Variants in MORC3 observed in about 807,000 individuals in gnomAD.
The protein encoded by MORC3 is MORC family CW-type zinc finger 3, also known as MORC family CW-type zinc finger protein 3.
Under a neutral mutation model 109.1 loss-of-function variants are expected in MORC3, and 31 were observed. That is an observed-to-expected ratio of 0.28 (90% CI 0.21 to 0.38). The LOEUF is 0.38. Among genes scored for constraint, MORC3 ranks in the 10% least tolerant of loss-of-function variants. The probability of loss-of-function intolerance (pLI) is 1.00; values close to 1 mark genes in which losing one functional copy is unlikely to be tolerated. For missense variants in MORC3, 867 were observed against 1,135.8 expected, an observed-to-expected ratio of 0.76 and a Z score of 3.40; for synonymous variants, 395 against 380.7, an observed-to-expected ratio of 1.04 and a Z score of -0.44.
At chr21:36,344,317 T>C (rs1042263692) in intron 6 of MORC3, among the ~76,000 whole-genome samples, 1 of 152,302 alleles carries the variant, frequency 6.6e-6, no homozygotes, top group African/African-American at 2.4e-5. Context: ...TTTGTAATCT[T>C]TTTCACTTAG....
At chr21:36,372,984 G>GA (rs1371139227) in intron 16 of MORC3, among the ~76,000 whole-genome samples, 2 of 152,036 alleles carry the variant, frequency 1.3e-5, no homozygotes, top group Non-Finnish European at 2.9e-5. Flanking sequence ...AATCTTTTAG[G>GA]AAATTGCAAA....
chr21:36,371,809 TG>T (rs1474505883), intron 15 of MORC3, among the ~76,000 whole-genome samples: 33 of 146,186 alleles, frequency 2.3e-4, no homozygotes, highest in African/African-American at 8.7e-4. Context: ...TGTTTTGTTT[TG>T]TTTTGTTTTT....
In MORC3 at chr21:36,336,208, G is replaced by C. The variant is rs144115806; in HGVS notation, c.113-666G>C. 2.0e-4 allele frequency among the ~76,000 whole-genome samples: 30 copies of C among 150,964 alleles called. No individual in the cohort carries two copies. In the East Asian group the frequency reaches 2.9e-3, roughly 15 times the overall value. On this transcript the variant is annotated intron_variant, in intron 2 of 16. Transcript: ENST00000400485. ...AGCCTCCCAGAGTGCTGGGATTACA[G>C]GCGTAAGTCACCATGGTCAGCTTTT...
At chr21:36,371,895 C>A (rs1282889609) in intron 15 of MORC3, among the ~76,000 whole-genome samples, 4 of 151,334 alleles carry the variant, frequency 2.6e-5, no homozygotes, top group African/African-American at 7.3e-5. Context: ...CTCACCGCAA[C>A]CTCCACCTCC....
At chr21:36,324,961 G>A (rs1033453015) in intron 1 of MORC3, among the ~76,000 whole-genome samples, 128 of 151,836 alleles carry the variant, frequency 8.4e-4, no homozygotes, top group African/African-American at 2.7e-3. Context: ...CACCCGCCTC[G>A]GCCTCCCAAA....
intron 10 of MORC3, among the ~76,000 whole-genome samples, chr21:36,359,508 C>T (rs957809739): frequency 5.9e-5 from 9 of 151,512 alleles, no homozygotes; most frequent in Non-Finnish European, 8.8e-5. Flanking sequence ...CATGAGCTAC[C>T]GTGCCTTGCC....
chr21:36,359,958 G>A lies in MORC3; in HGVS notation c.1212G>A (p.Lys404=), dbSNP rs1351977070. 1 of 1,614,142 alleles carries A rather than the reference G, an allele frequency of 6.2e-7. No individual in the cohort carries two copies. Among genetic ancestry groups the A allele is most frequent in the Admixed American group, 1.7e-5 (1 of 60,014 alleles). ...PLNLPVEDIQ[K]RPDQTWVQCD... The stretch of plus-strand genomic sequence containing the variant: ...TTTTGTTCTTGTTTTGGGACAGGAA[G>A]CGTCCTGATCAGACATGGGTTCAGT... Residue 404 remains lysine (K), a synonymous_variant, in exon 11 of 17, where the codon AAG becomes AAA. Transcript: ENST00000400485.
At chr21:36,322,418 C>T (rs2085203785) in intron 1 of MORC3, among the ~76,000 whole-genome samples, 1 of 152,190 alleles carries the variant, frequency 6.6e-6, no homozygotes, top group African/African-American at 2.4e-5. Context: ...AGTCTCCAGG[C>T]TGGAGTGCAG....
intron 2 of MORC3, among the ~76,000 whole-genome samples, chr21:36,335,088 TC>T (rs1478075468): frequency 6.6e-6 from 1 of 152,050 alleles, no homozygotes; most frequent in African/African-American, 2.4e-5. Context: ...TGAGTCTTCC[TC>T]CAGCCTGGGC....
rs545173344 is a variant in MORC3 at position 36,352,213 on chromosome 21, A to T, written c.1103+2805A>T. On this transcript the variant is annotated intron_variant, in intron 9 of 16. Transcript: ENST00000400485. ...AGCACTTGCAATTATTTTTAAAAGGAACACCTACAAAAACTGTGAATCAAA... is the reference window on the plus strand; with the variant it reads ...AGCACTTGCAATTATTTTTAAAAGGTACACCTACAAAAACTGTGAATCAAA... 5.3e-4 allele frequency among the ~76,000 whole-genome samples: 81 copies of T among 152,308 alleles called. 1 individual carries two copies. The highest frequency in any genetic ancestry group is 2.4e-3 in the Admixed American group (37 of 15,290).
At chr21:36,340,880 A>G (rs949858263) in intron 5 of MORC3, among the ~76,000 whole-genome samples, 11 of 152,052 alleles carry the variant, frequency 7.2e-5, no homozygotes, top group South Asian at 2.1e-4. Context: ...CAGGTGATCC[A>G]CATGCCTCAG....
At chr21:36,364,612 C>T (rs532016454) in intron 14 of MORC3, among the ~76,000 whole-genome samples, 74 of 150,984 alleles carry the variant, frequency 4.9e-4, no homozygotes, top group Non-Finnish European at 9.4e-4. Context: ...TGAGGCTGCA[C>T]CCCAGCCTGG....
At chr21:36,342,191 C>T (rs988770875) in intron 6 of MORC3, among the ~76,000 whole-genome samples, 6 of 152,020 alleles carry the variant, frequency 3.9e-5, no homozygotes, top group Admixed American at 2.0e-4. Flanking sequence ...TTGCAGTGAG[C>T]GGAGATTGTA....
chr21:36,367,714 A>G (rs1205028797), intron 14 of MORC3, among the ~76,000 whole-genome samples: 1 of 152,210 alleles, frequency 6.6e-6, no homozygotes. Flanking sequence ...AGCCACTCAA[A>G]GACATAGGAT....
At chr21:36,346,601 G>A (rs1224393322) in intron 8 of MORC3, among the ~76,000 whole-genome samples, 5 of 151,938 alleles carry the variant, frequency 3.3e-5, no homozygotes, top group Non-Finnish European at 7.4e-5. Flanking sequence ...TTGAGCCCAG[G>A]AGTTCAAGAC....
chr21:36,350,517 G>A (rs946775500), intron 9 of MORC3, among the ~76,000 whole-genome samples: 3 of 146,056 alleles, frequency 2.1e-5, no homozygotes, highest in Non-Finnish European at 3.0e-5. Context: ...GCATTCCCGC[G>A]CTGGTGACAG....
rs747341913 is a variant in MORC3 at position 36,344,740 on chromosome 21, T to C, written c.885+33T>C. The C allele has an allele frequency of 8.7e-6, 14 of 1,610,196 alleles. No individual in the cohort carries two copies. In the Admixed American group the frequency reaches 2.2e-4, roughly 25 times the overall value. ...TTTTCTGATTCCTTATAGAGATATG[T>C]TAGTCAGGTGTATTCTCTTTTGCCC... On this transcript the variant is annotated intron_variant, in intron 7 of 16. Coordinates refer to ENST00000400485, the MANE Select transcript of MORC3 (RefSeq NM_015358.3).
chr21:36,362,549 A>G (rs1394872391), intron 13 of MORC3, among the ~76,000 whole-genome samples: 5 of 152,036 alleles, frequency 3.3e-5, no homozygotes, highest in African/African-American at 1.2e-4. Context: ...ATCTCAAAAA[A>G]TAAATAAAAT....
chr21:36,354,977 T>TC (rs1227082666), intron 9 of MORC3, among the ~76,000 whole-genome samples: 2 of 152,208 alleles, frequency 1.3e-5, no homozygotes, highest in Non-Finnish European at 2.9e-5. Flanking sequence ...CTCAACTGGC[T>TC]ATCTTGTAAA....
Sources: gnomAD v4.1 joint callset for allele counts (sites outside exome capture counted in the v4.1 genomes callset) on GRCh38, gnomAD v4.1.1 for gene constraint, MANE v1.5 for transcripts, NCBI Gene and HGNC (gene_info 2026-07-23, HGNC 2026-07-21) for gene names.